Variants in TGFBR3 observed in about 807,000 individuals in gnomAD.
TGFBR3 encodes transforming growth factor beta receptor 3.
TGFBR3 carries 46 observed loss-of-function variants against 87.9 expected under a neutral mutation model. That is an observed-to-expected ratio of 0.52 (90% CI 0.41 to 0.67). The LOEUF is 0.67. Among genes scored for constraint, TGFBR3 ranks in the 30% least tolerant of loss-of-function variants. The probability of loss-of-function intolerance (pLI) is 0.00; values close to 1 mark genes in which losing one functional copy is unlikely to be tolerated. For missense variants in TGFBR3, 866 were observed against 1,041.9 expected, an observed-to-expected ratio of 0.83 and a Z score of 2.32; for synonymous variants, 381 against 391.6, an observed-to-expected ratio of 0.97 and a Z score of 0.32.
chr1:91,864,818 C>T (rs1678326397), intron 1 of TGFBR3, among the ~76,000 whole-genome samples: 1 of 152,198 alleles, frequency 6.6e-6, no homozygotes, highest in Non-Finnish European at 1.5e-5. Flanking sequence ...TGAGGTTCTA[C>T]CACACTGACT....
intron 2 of TGFBR3, among the ~76,000 whole-genome samples, chr1:91,824,018 G>A (rs1676544652): frequency 6.6e-6 from 1 of 152,118 alleles, no homozygotes; most frequent in Non-Finnish European, 1.5e-5. Context: ...TAGTACCAGT[G>A]ACTCAGAAGG....
chr1:91,729,033 TACACAC>T (rs56158224), intron 6 of TGFBR3, among the ~76,000 whole-genome samples: 33,523 of 89,096 alleles, frequency 0.38, 6,256 homozygotes, highest in East Asian at 0.48. Flanking sequence ...CACTCCAGCA[TACACAC>T]ACACACACAC....
At chr1:91,852,857 A>G (rs886605601) in intron 2 of TGFBR3, among the ~76,000 whole-genome samples, 20 of 152,310 alleles carry the variant, frequency 1.3e-4, no homozygotes, top group Non-Finnish European at 2.4e-4. Flanking sequence ...AAAACTGGTT[A>G]AAATAACCAG....
chr1:91,764,006 T>G (rs1300626716), intron 3 of TGFBR3, among the ~76,000 whole-genome samples: 1 of 152,164 alleles, frequency 6.6e-6, no homozygotes, highest in African/African-American at 2.4e-5. Context: ...CCTTTTTATT[T>G]TTATATTTCT....
At chr1:91,729,150 TAC>T (rs57364204) in intron 6 of TGFBR3, among the ~76,000 whole-genome samples, 3,941 of 66,816 alleles carry the variant, frequency 0.059, 532 homozygotes, top group South Asian at 0.13. Context: ...CACTCCAGCA[TAC>T]ACACACACAC....
intron 4 of TGFBR3, 145 bp from the exon 5 acceptor site, chr1:91,735,104 G>T: frequency 2.1e-6 from 2 of 968,562 alleles, no homozygotes; most frequent in Non-Finnish European, 3.2e-6. Context: ...TTAAGCAGCG[G>T]ATTCAAGGAA....
chr1:91,863,273 T>C (rs1678268145), intron 1 of TGFBR3, among the ~76,000 whole-genome samples: 1 of 152,228 alleles, frequency 6.6e-6, no homozygotes, highest in Admixed American at 6.5e-5. Flanking sequence ...TATGGTTCAA[T>C]CTTGATATAC....
chr1:91,870,286 A>C (rs1269191055), intron 1 of TGFBR3, among the ~76,000 whole-genome samples: 1 of 152,204 alleles, frequency 6.6e-6, no homozygotes, highest in Non-Finnish European at 1.5e-5. Context: ...TCCTACTGTG[A>C]ACATTCTGTC....
At chr1:91,887,236 CTTTTTTTTTTT>C (rs71087977), upstream of TGFBR3, among the ~76,000 whole-genome samples, 2 of 41,408 alleles carry the variant, frequency 4.8e-5, no homozygotes, top group Non-Finnish European at 7.9e-5. Flanking sequence ...GGACCTATGC[CTTTTTTTTTTT>C]TTTTTTTTTT....
Position 91,751,031 on chromosome 1 carries a change from C to T in TGFBR3, c.384+7582G>A, listed in dbSNP as rs575936581. On this transcript the variant is annotated intron_variant, in intron 4 of 16. Coordinates refer to ENST00000212355, the MANE Select transcript of TGFBR3 (RefSeq NM_003243.5). ...AAGCTCCCTGACGACAGGCAATTCA[C>T]CCCAGTTTTCCCTAGATCCTCCACA... is the stretch of plus-strand genomic sequence containing the variant. Among the ~76,000 whole-genome samples the T allele has an allele frequency of 5.8e-4, 89 of 152,320 alleles. 1 individual carries two copies. The highest frequency in any genetic ancestry group is 1.6e-3 in the African/African-American group (68 of 41,582).
chr1:91,894,895 C>G (rs369648802), intron 2 of TGFBR3, among the ~76,000 whole-genome samples: 1 of 152,164 alleles, frequency 6.6e-6, no homozygotes, highest in Non-Finnish European at 1.5e-5. Flanking sequence ...CTCAGCCTCC[C>G]GAGTAGCTGG....
chr1:91,739,457 CTTATT>C (rs1557685643), intron 4 of TGFBR3, among the ~76,000 whole-genome samples: 1 of 152,118 alleles, frequency 6.6e-6, no homozygotes, highest in African/African-American at 2.4e-5. Flanking sequence ...TGTAAAAATC[CTTATT>C]TTATTAGCTA....
At chr1:91,743,455 G>A (rs1247670883) in intron 4 of TGFBR3, among the ~76,000 whole-genome samples, 3 of 151,838 alleles carry the variant, frequency 2.0e-5, no homozygotes, top group Admixed American at 6.6e-5. Context: ...CTTCTCAATG[G>A]GCCCATTTAA....
chr1:91,685,214 T>C (rs560761124), intron 16 of TGFBR3, among the ~76,000 whole-genome samples: 1 of 152,284 alleles, frequency 6.6e-6, no homozygotes, highest in African/African-American at 2.4e-5. Context: ...TTGTTGTAAG[T>C]TTGGCCCTTG....
chr1:91,733,425 G>GC (rs1557682581), intron 5 of TGFBR3, among the ~76,000 whole-genome samples: 1 of 152,182 alleles, frequency 6.6e-6, no homozygotes, highest in African/African-American at 2.4e-5. Context: ...GCACGTGAAG[G>GC]CCCCTGAAAT....
At chr1:91,788,138 G>C (rs998410559) in intron 3 of TGFBR3, among the ~76,000 whole-genome samples, 4 of 152,204 alleles carry the variant, frequency 2.6e-5, no homozygotes, top group Admixed American at 1.3e-4. Flanking sequence ...CTCTGCAACA[G>C]AAGTTGGTGC....
intron 14 of TGFBR3, among the ~76,000 whole-genome samples, chr1:91,704,343 AG>A (rs1257789538): frequency 3.4e-5 from 5 of 145,024 alleles, no homozygotes; most frequent in African/African-American, 7.6e-5. Context: ...AAAAAAAAAA[AG>A]AAAGAAAGAA....
At chr1:91,900,176 G>A (rs975565913) in intron 1 of TGFBR3, among the ~76,000 whole-genome samples, 4 of 152,116 alleles carry the variant, frequency 2.6e-5, no homozygotes, top group African/African-American at 9.7e-5. Context: ...GTGCAGTGGT[G>A]CAATCTCAGC....
intron 2 of TGFBR3, among the ~76,000 whole-genome samples, chr1:91,893,939 A>AC (rs1679497260): frequency 6.6e-6 from 1 of 150,862 alleles, no homozygotes; most frequent in Admixed American, 6.6e-5. Flanking sequence ...AAAAAAAAAA[A>AC]CTTCCTTTGG....
Sources: allele counts gnomAD v4.1 joint callset (sites outside exome capture counted in the v4.1 genomes callset), GRCh38; gene constraint gnomAD v4.1.1; transcripts MANE v1.5; gene names NCBI Gene and HGNC (gene_info 2026-07-23, HGNC 2026-07-21).